The following SLIT3 variants were observed in gnomAD, a reference collection of about 807,000 sequenced individuals.
SLIT3 encodes slit homolog 3 protein.
A neutral mutation model predicts 184.0 loss-of-function variants in SLIT3; 68 were observed. The ratio of observed to expected loss-of-function variants is 0.37; its 90% CI spans 0.30 to 0.45. The LOEUF is 0.45. Ranked by LOEUF, SLIT3 falls within the 20% of genes least tolerant of loss-of-function variation. The pLI is 1.00. For missense variants in SLIT3, 1,707 were observed against 2,026.0 expected, an observed-to-expected ratio of 0.84 and a Z score of 3.02; for synonymous variants, 831 against 828.6, an observed-to-expected ratio of 1.00 and a Z score of -0.05.
At chr5:168,816,766 A>C (rs1757346163) in intron 8 of SLIT3, among the ~76,000 whole-genome samples, 1 of 152,230 alleles carries the variant, frequency 6.6e-6, no homozygotes, top group Non-Finnish European at 1.5e-5. Flanking sequence ...CTTTATATGC[A>C]TTATTTCACT....
At chr5:168,923,383 C>T (rs1276020272) in intron 4 of SLIT3, among the ~76,000 whole-genome samples, 1 of 152,112 alleles carries the variant, frequency 6.6e-6, no homozygotes, top group Admixed American at 6.6e-5. Context: ...CCACTGGCAG[C>T]ATCCTCCCCC....
intron 3 of SLIT3, among the ~76,000 whole-genome samples, chr5:169,194,349 G>A (rs973737868): frequency 1.3e-5 from 2 of 151,800 alleles, no homozygotes; most frequent in African/African-American, 4.8e-5. Context: ...AGTTGCTTCA[G>A]GAACAAAGAA....
At chr5:168,756,561 C>T (rs1472862165) in intron 16 of SLIT3, among the ~76,000 whole-genome samples, 1 of 152,230 alleles carries the variant, frequency 6.6e-6, no homozygotes, top group East Asian at 1.9e-4. Flanking sequence ...AGCAGACTCG[C>T]AGACTGGATT....
intron 4 of SLIT3, among the ~76,000 whole-genome samples, chr5:168,896,781 C>A (rs1760679146): frequency 2.0e-5 from 3 of 152,338 alleles, no homozygotes; most frequent in African/African-American, 7.2e-5. Context: ...GAAGGGGGGC[C>A]TGAAGGGCGT....
At chr5:169,191,939 T>A (rs297895) in intron 4 of SLIT3, among the ~76,000 whole-genome samples, 1 of 152,058 alleles carries the variant, frequency 6.6e-6, no homozygotes, top group Non-Finnish European at 1.5e-5. Flanking sequence ...TGCCTTTAAA[T>A]TGATGCTTAT....
At chr5:169,031,490 G>A (rs62379483) in intron 4 of SLIT3, among the ~76,000 whole-genome samples, 5,763 of 152,268 alleles carry the variant, frequency 0.038, 150 homozygotes, top group Middle Eastern at 0.061. Context: ...AAGGAGTGGG[G>A]TCTCACCCAA....
intron 8 of SLIT3, among the ~76,000 whole-genome samples, chr5:168,809,487 A>G (rs1327882529): frequency 6.6e-6 from 1 of 152,152 alleles, no homozygotes; most frequent in Non-Finnish European, 1.5e-5. Context: ...CTGGCTTACA[A>G]TGAGGTTGAA....
chr5:168,891,812 G>A (rs1735562049), intron 4 of SLIT3, among the ~76,000 whole-genome samples: 2 of 152,224 alleles, frequency 1.3e-5, no homozygotes, highest in South Asian at 4.1e-4. Context: ...CTCTTTCTGG[G>A]CAGGTGTTCC....
intron 4 of SLIT3, among the ~76,000 whole-genome samples, chr5:169,051,467 G>A (rs1757812416): frequency 6.6e-6 from 1 of 152,128 alleles, no homozygotes. Context: ...TTCCAGAGGA[G>A]ATGTCAATCA....
intron 4 of SLIT3, among the ~76,000 whole-genome samples, chr5:168,989,119 C>G (rs1352285689): frequency 6.6e-6 from 1 of 152,140 alleles, no homozygotes; most frequent in Non-Finnish European, 1.5e-5. Flanking sequence ...CCTTGCAGAA[C>G]AGAACAGAAA....
chr5:169,155,893 T>A (rs887632795), intron 4 of SLIT3, among the ~76,000 whole-genome samples: 11 of 152,294 alleles, frequency 7.2e-5, no homozygotes, highest in Admixed American at 3.3e-4. Flanking sequence ...CAGTAGCACA[T>A]CCCATAAGCT....
intron 16 of SLIT3, among the ~76,000 whole-genome samples, chr5:168,756,815 T>G (rs1006795316): frequency 1.3e-5 from 2 of 152,106 alleles, no homozygotes; most frequent in African/African-American, 4.8e-5. Context: ...AAAATACAAG[T>G]GATGGGCAAT....
At chr5:169,291,635 C>A (rs1427083407) in intron 1 of SLIT3, among the ~76,000 whole-genome samples, 2 of 152,214 alleles carry the variant, frequency 1.3e-5, no homozygotes, top group African/African-American at 2.4e-5. Flanking sequence ...CAGATCACAT[C>A]ATTGACATTC....
chr5:168,996,515 C>G (rs778232767), intron 4 of SLIT3, among the ~76,000 whole-genome samples: 5 of 152,204 alleles, frequency 3.3e-5, no homozygotes, highest in Non-Finnish European at 7.4e-5. Flanking sequence ...CTTCCAGTGA[C>G]TTTGGGCTTG....
At chr5:168,991,869 C>T (rs1755343554) in intron 4 of SLIT3, among the ~76,000 whole-genome samples, 1 of 152,104 alleles carries the variant, frequency 6.6e-6, no homozygotes, top group South Asian at 2.1e-4. Flanking sequence ...TCCCATCAGT[C>T]TCTGACCCAG....
intron 5 of SLIT3, among the ~76,000 whole-genome samples, chr5:168,847,928 T>C (rs1019261798): frequency 6.6e-6 from 1 of 152,116 alleles, no homozygotes; most frequent in East Asian, 1.9e-4. Flanking sequence ...ACAAAGCCCA[T>C]TGCCTACCCT....
chr5:168,761,869 GC>G (rs1175363591), intron 15 of SLIT3, among the ~76,000 whole-genome samples: 1 of 150,974 alleles, frequency 6.6e-6, no homozygotes, highest in East Asian at 1.9e-4. Context: ...CTCTCCGGTA[GC>G]TGAGACCACA....
intron 4 of SLIT3, among the ~76,000 whole-genome samples, chr5:169,167,862 G>A (rs1005124122): frequency 6.6e-6 from 1 of 152,162 alleles, no homozygotes; most frequent in Non-Finnish European, 1.5e-5. Context: ...TCCCAGCAGG[G>A]TCTCTGGCCA....
chr5:169,193,470 T>C lies in SLIT3; in HGVS notation c.413+9A>G, dbSNP rs577116833. On this transcript the variant is annotated intron_variant, in intron 4 of 35. Coordinates refer to ENST00000519560, the MANE Select transcript of SLIT3 (RefSeq NM_003062.4). ...CACAAGGTAGAGAACACAAGGCAAC[T>C]CTACTCACAGTCTGGTGAGCTTCGG... The C allele has an allele frequency of 2.2e-5, 35 of 1,612,604 alleles. No individual in the cohort carries two copies. The South Asian group carries it at 3.6e-4, about 17-fold the overall frequency.
Sources: allele counts gnomAD v4.1 joint callset (sites outside exome capture counted in the v4.1 genomes callset), GRCh38; gene constraint gnomAD v4.1.1; transcripts MANE v1.5; gene names NCBI Gene and HGNC (gene_info 2026-07-23, HGNC 2026-07-21).